RALGPS1: variants seen among roughly 807,000 people sequenced by gnomAD.
The protein encoded by RALGPS1 is Ral GEF with PH domain and SH3 binding motif 1.
Under a neutral mutation model 78.8 loss-of-function variants are expected in RALGPS1, and 19 were observed. The ratio of observed to expected loss-of-function variants is 0.24; its 90% CI spans 0.17 to 0.35. The LOEUF (loss-of-function observed/expected upper bound fraction) is 0.35. Among genes scored for constraint, RALGPS1 ranks in the 10% least tolerant of loss-of-function variants. RALGPS1 has a pLI of 1.00. For synonymous variants in RALGPS1, 228 were observed against 256.3 expected, an observed-to-expected ratio of 0.89 and a Z score of 1.06; for missense variants, 454 against 688.3, an observed-to-expected ratio of 0.66 and a Z score of 3.81.
At chr9:126,947,209 A>G (rs945893552) in intron 1 of RALGPS1, among the ~76,000 whole-genome samples, 3 of 152,134 alleles carry the variant, frequency 2.0e-5, no homozygotes, top group Non-Finnish European at 2.9e-5. Context: ...AATTGCTGTC[A>G]TTTCTTGAAT....
At chr9:127,152,844 T>C (rs955787157) in intron 8 of RALGPS1, among the ~76,000 whole-genome samples, 2 of 152,176 alleles carry the variant, frequency 1.3e-5, no homozygotes, top group African/African-American at 4.8e-5. Context: ...TCAAGTAACT[T>C]CATTGAGGGC....
At position 126,918,673 on chromosome 9, in the gene RALGPS1, A is replaced by ATT. The variant is rs74944435; in HGVS notation, c.-66+3713_-66+3714dup. Among the ~76,000 whole-genome samples the ATT allele has an allele frequency of 6.0e-4, 80 of 132,610 alleles. 3 individuals are homozygous for ATT. In the East Asian group the frequency reaches 8.9e-3, roughly 15 times the overall value. 87.0% of individuals were successfully genotyped at this position (132,610 alleles called of 152,430 possible). ...GAAGTAAAAAAAAAATCACACATGG[A>ATT]TTTTTTTTTTTTTTTTGAGACAGAG... is the stretch of plus-strand genomic sequence containing the variant. On this transcript the variant is annotated intron_variant, in intron 1 of 18. Coordinates refer to ENST00000259351, the MANE Select transcript of RALGPS1 (RefSeq NM_014636.3).
At position 127,212,281 on chromosome 9, in the gene RALGPS1, T is replaced by C; in HGVS notation, c.1353+45T>C. ...CACCGGGGCAGCAGGGGCTTCCACA[T>C]CTGTAAATAGTGCCCACTCCTAGAG... is the stretch of plus-strand genomic sequence containing the variant. On this transcript the variant is annotated intron_variant, in intron 15 of 18. Coordinates refer to ENST00000259351, the MANE Select transcript of RALGPS1 (RefSeq NM_014636.3). The surrounding 1 kb of genome is among the most constrained non-coding windows in gnomAD (Gnocchi z 6.0). 1 of 1,452,994 alleles carries C rather than the reference T, an allele frequency of 6.9e-7. No individual in the cohort carries two copies. Among genetic ancestry groups the C allele is most frequent in the East Asian group, 2.3e-5 (1 of 43,650 alleles). 90.0% of individuals were successfully genotyped at this position (1,452,994 alleles called of 1,614,324 possible).
intron 8 of RALGPS1, among the ~76,000 whole-genome samples, chr9:127,100,532 C>T (rs1419526125): frequency 2.0e-5 from 3 of 152,192 alleles, no homozygotes; most frequent in South Asian, 2.1e-4. Flanking sequence ...TTAGTGGTCT[C>T]ACTGTGTACA....
At chr9:127,042,485 AT>A (rs1486321411) in intron 5 of RALGPS1, among the ~76,000 whole-genome samples, 2 of 152,156 alleles carry the variant, frequency 1.3e-5, no homozygotes, top group Non-Finnish European at 2.9e-5. Context: ...TAAAAAAAAA[AT>A]CTCAGCCAAT....
intron 1 of RALGPS1, among the ~76,000 whole-genome samples, chr9:126,950,852 C>T (rs2037744255): frequency 7.2e-6 from 1 of 139,740 alleles, no homozygotes; most frequent in Non-Finnish European, 1.6e-5. Flanking sequence ...AAAAAAAAAA[C>T]CCTTCAAAAA....
chr9:127,044,317 C>T (rs1200163837), intron 5 of RALGPS1, among the ~76,000 whole-genome samples: 4 of 151,756 alleles, frequency 2.6e-5, no homozygotes, highest in South Asian at 2.1e-4. Context: ...AGTGCAGTGG[C>T]GTGATCTCAG....
At chr9:127,141,117 C>G (rs1043557553) in intron 8 of RALGPS1, among the ~76,000 whole-genome samples, 1 of 152,082 alleles carries the variant, frequency 6.6e-6, no homozygotes, top group Non-Finnish European at 1.5e-5. Context: ...GAGATTTCCT[C>G]CAGCAGCGCT....
chr9:127,206,842 T>C (rs2061960247), intron 14 of RALGPS1, among the ~76,000 whole-genome samples: 1 of 152,116 alleles, frequency 6.6e-6, no homozygotes, highest in Non-Finnish European at 1.5e-5. Flanking sequence ...TCAGACCTGC[T>C]TGACTAGTCT....
chr9:127,083,191 A>T (rs2051353117), intron 8 of RALGPS1, among the ~76,000 whole-genome samples: 1 of 152,144 alleles, frequency 6.6e-6, no homozygotes, highest in East Asian at 1.9e-4. Context: ...CTGGGAACCT[A>T]CTTCCGCTGC....
At chr9:127,129,659 G>A (rs950837810) in intron 8 of RALGPS1, among the ~76,000 whole-genome samples, 27 of 152,208 alleles carry the variant, frequency 1.8e-4, no homozygotes, top group African/African-American at 6.5e-4. Context: ...TGGACAACAG[G>A]GGCTGCTGGC....
chr9:127,116,250 G>A (rs1027728594), intron 8 of RALGPS1, among the ~76,000 whole-genome samples: 1 of 152,024 alleles, frequency 6.6e-6, no homozygotes, highest in Non-Finnish European at 1.5e-5. Context: ...TCCTGCCATT[G>A]GTGAATTGCT....
chr9:126,975,357 A>G (rs138821984), intron 3 of RALGPS1, among the ~76,000 whole-genome samples: 1 of 152,342 alleles, frequency 6.6e-6, no homozygotes, highest in African/African-American at 2.4e-5. Context: ...TGCTTTAATA[A>G]ATCATCTGGA....
intron 3 of RALGPS1, among the ~76,000 whole-genome samples, chr9:126,969,005 G>A (rs537462929): frequency 3.9e-5 from 6 of 151,928 alleles, no homozygotes; most frequent in South Asian, 4.1e-4. Context: ...CCGAGATTGC[G>A]CCATTGCACT....
intron 4 of RALGPS1, among the ~76,000 whole-genome samples, chr9:127,023,764 G>A (rs1456272203): frequency 6.6e-6 from 1 of 152,136 alleles, no homozygotes; most frequent in Non-Finnish European, 1.5e-5. Flanking sequence ...GGCTGGGCGC[G>A]GTGGCTCACG....
intron 1 of RALGPS1, among the ~76,000 whole-genome samples, chr9:126,952,028 A>G (rs867060591): frequency 5.2e-4 from 79 of 152,308 alleles, no homozygotes; most frequent in African/African-American, 1.9e-3. Context: ...CACCAATAAC[A>G]AACAGAGAGC....
At chr9:126,994,510 C>G (rs1312088676) in intron 4 of RALGPS1, among the ~76,000 whole-genome samples, 1 of 152,140 alleles carries the variant, frequency 6.6e-6, no homozygotes, top group Non-Finnish European at 1.5e-5. Context: ...AACAAAGCCT[C>G]CAAGAAATAT....
chr9:126,929,424 T>TA (rs1364604855), intron 1 of RALGPS1, among the ~76,000 whole-genome samples: 1 of 152,144 alleles, frequency 6.6e-6, no homozygotes, highest in African/African-American at 2.4e-5. Context: ...AAAATAACCT[T>TA]AGTCTTTAGT....
rs114924106 is a variant in RALGPS1 at position 127,024,586 on chromosome 9, T to A, written c.217-9845T>A. On this transcript the variant is annotated intron_variant, in intron 4 of 18. Coordinates refer to ENST00000259351, the MANE Select transcript of RALGPS1 (RefSeq NM_014636.3). ...AACAACACTTATTATTATGGCTACG[T>A]AACTGTTACACATAGTCAAGCCAAG... is the stretch of plus-strand genomic sequence containing the variant. Among the ~76,000 whole-genome samples, 609 of 152,184 alleles carry A rather than the reference T, an allele frequency of 4.0e-3. 5 individuals carry two copies. The highest frequency in any genetic ancestry group is 0.014 in the African/African-American group (575 of 41,514).
Sources: gnomAD v4.1 joint callset for allele counts (sites outside exome capture counted in the v4.1 genomes callset) on GRCh38, gnomAD v4.1.1 for gene constraint, Gnocchi (gnomAD v3.1) non-coding constraint, MANE v1.5 for transcripts, NCBI Gene and HGNC (gene_info 2026-07-23, HGNC 2026-07-21) for gene names.